Variants in ZNF282 observed in about 807,000 individuals in gnomAD.
ZNF282 encodes HTLV-I U5 repressive element-binding protein 1.
ZNF282 carries 30 observed loss-of-function variants against 61.9 expected under a neutral mutation model. The ratio of observed to expected loss-of-function variants is 0.48; its 90% CI spans 0.36 to 0.66. The LOEUF is 0.66. Ranked by LOEUF, ZNF282 falls within the 30% of genes least tolerant of loss-of-function variation. The pLI, the probability that ZNF282 is intolerant of heterozygous loss-of-function variation, is 0.00. For missense variants in ZNF282, 788 were observed against 941.4 expected, an observed-to-expected ratio of 0.84 and a Z score of 2.13; for synonymous variants, 396 against 405.0, an observed-to-expected ratio of 0.98 and a Z score of 0.27.
At chr7:149,220,917 G>GTTTTT (rs764989538) in intron 7 of ZNF282, among the ~76,000 whole-genome samples, 29 of 47,698 alleles carry the variant, frequency 6.1e-4, no homozygotes, top group African/African-American at 1.1e-3. Context: ...CCCCTGGAGG[G>GTTTTT]TTTTTTTTTT....
At chr7:149,203,014 C>T (rs866481074) in intron 2 of ZNF282, among the ~76,000 whole-genome samples, 3 of 152,134 alleles carry the variant, frequency 2.0e-5, no homozygotes, top group African/African-American at 7.2e-5. Context: ...AGTTGTTTGA[C>T]GTTACTCATT....
At chr7:149,202,199 C>G (rs1049375327) in intron 2 of ZNF282, among the ~76,000 whole-genome samples, 14 of 143,348 alleles carry the variant, frequency 9.8e-5, no homozygotes, top group African/African-American at 3.4e-4. Context: ...GGCTGGAGGG[C>G]AGTGGTACAA....
chr7:149,195,845 G>C (rs1056559381), intron 1 of ZNF282, 91 bp downstream of exon 1: 5 of 1,133,968 alleles, frequency 4.4e-6, no homozygotes, highest in Non-Finnish European at 4.4e-6. Context: ...TCCTCCGGTA[G>C]CCTTGCGGCG....
chr7:149,205,159 G>C (rs182404397), intron 2 of ZNF282, among the ~76,000 whole-genome samples: 45 of 152,126 alleles, frequency 3.0e-4, no homozygotes, highest in Admixed American at 5.9e-4. Context: ...AAATGAAGAG[G>C]CCAGGTGCAG....
intron 7 of ZNF282, among the ~76,000 whole-genome samples, chr7:149,215,776 G>T (rs73725463): frequency 0.038 from 5,815 of 152,250 alleles, 387 homozygotes; most frequent in African/African-American, 0.13. Flanking sequence ...GGTGAGCACC[G>T]GAAGAAAGCC....
chr7:149,214,558 G>A (rs535061725), intron 7 of ZNF282, among the ~76,000 whole-genome samples: 3 of 152,220 alleles, frequency 2.0e-5, no homozygotes, highest in African/African-American at 7.2e-5. Flanking sequence ...GGCTGCACAC[G>A]GTGGCTCACA....
At chr7:149,213,898 C>G in intron 7 of ZNF282, 84 bp downstream of exon 7, 2 of 908,110 alleles carry the variant, frequency 2.2e-6, no homozygotes, top group Non-Finnish European at 3.5e-6. Flanking sequence ...GTCCTCTTCT[C>G]AGCTCACCCC....
intron 7 of ZNF282, among the ~76,000 whole-genome samples, chr7:149,221,751 G>A (rs1250394013): frequency 6.6e-6 from 1 of 152,136 alleles, no homozygotes; most frequent in Non-Finnish European, 1.5e-5. Context: ...GATTGAGACA[G>A]AGAGGGAGGG....
At chr7:149,211,501 C>T (rs376549101) in intron 5 of ZNF282, among the ~76,000 whole-genome samples, 8 of 152,252 alleles carry the variant, frequency 5.3e-5, no homozygotes, top group African/African-American at 1.9e-4. Flanking sequence ...ATCTGCTTGA[C>T]TCAAGTCTAC....
chr7:149,219,885 A>G (rs944510149), intron 7 of ZNF282, among the ~76,000 whole-genome samples: 1 of 152,118 alleles, frequency 6.6e-6, no homozygotes, highest in African/African-American at 2.4e-5. Flanking sequence ...GCAAGGGTGC[A>G]TGCCTGATTG....
chr7:149,213,618 G>T (rs142354798), intron 6 of ZNF282, 83 bp from the exon 7 acceptor site: 1 of 982,562 alleles, frequency 1.0e-6, no homozygotes, highest in Non-Finnish European at 1.6e-6. Context: ...TGCAGCCACC[G>T]CATGGGATGG....
rs1255473454 is a variant in ZNF282 at position 149,224,152 on chromosome 7, C to T, written c.1521C>T (p.Ser507=). 1.3e-6 allele frequency: 2 copies of T among 1,538,984 alleles called. No individual in the cohort carries two copies. Among genetic ancestry groups the T allele is most frequent in the Admixed American group, 1.8e-5 (1 of 54,998 alleles). The change falls in exon 8 of 8, where the codon AGC becomes AGT. Residue 507 remains serine (S), a synonymous_variant. Coordinates refer to ENST00000610704, the MANE Select transcript of ZNF282 (RefSeq NM_003575.4). ...GCTGCCCTGGCGGGCTGCGGCGGAG[C>T]CTCCTCCTGCACGGCGCCCGCAGCA... is the stretch of plus-strand genomic sequence containing the variant. ...GSCCPGGLRR[S]LLLHGARSKP... is the part of the protein sequence containing the mutation.
At chr7:149,207,170 G>C (rs542286014) in intron 3 of ZNF282, among the ~76,000 whole-genome samples, 181 bp from the exon 4 acceptor site, 1 of 151,622 alleles carries the variant, frequency 6.6e-6, no homozygotes, top group African/African-American at 2.4e-5. Context: ...TCTTCCTACA[G>C]TAGAAATTTG....
rs1373709789 is a variant in ZNF282 at position 149,223,905 on chromosome 7, C to A, written c.1274C>A (p.Pro425His). 4 of 1,396,412 alleles carry A rather than the reference C, an allele frequency of 2.9e-6. No individual in the cohort carries two copies. Among genetic ancestry groups the A allele is most frequent in the South Asian group, 1.6e-5 (1 of 64,192 alleles). 86.5% of individuals were successfully genotyped at this position (1,396,412 alleles called of 1,614,324 possible). A position where few individuals can be genotyped will look rare whatever the true frequency, so the allele number is the denominator to read the frequency against. ...CCGCAGCCGCAGCTGCAGTCGCAGC[C>A]CCAGCCCCAGAGCCTGCCCCCCATC... ...QPPQPQLQSQ[P>H]QPQSLPPIAV... The change falls in exon 8 of 8, where the codon CCC becomes CAC. Residue 425 changes from proline (P) to histidine (H), a missense_variant. Coordinates refer to ENST00000610704, the MANE Select transcript of ZNF282 (RefSeq NM_003575.4).
chr7:149,213,278 C>T (rs1168880456), intron 6 of ZNF282, among the ~76,000 whole-genome samples: 1 of 152,192 alleles, frequency 6.6e-6, no homozygotes. Flanking sequence ...GGCCTTCCTG[C>T]TTCACTGTGG....
intron 3 of ZNF282, 119 bp downstream of exon 3, chr7:149,206,941 C>G (rs1167891835): frequency 1.4e-6 from 2 of 1,379,354 alleles, no homozygotes; most frequent in Non-Finnish European, 2.0e-6. Context: ...AATGGAAACT[C>G]AGGAAACCAT....
chr7:149,224,011 C>T lies in ZNF282; in HGVS notation c.1380C>T (p.Gly460=). Residue 460 remains glycine, a synonymous_variant, in exon 8 of 8, where the codon GGC becomes GGT. Coordinates refer to ENST00000610704, the MANE Select transcript of ZNF282 (RefSeq NM_003575.4). The part of the protein sequence containing the change: ...DGFQVLPGER[G]SGEAPPGGDR... ...TCCAGGTGCTGCCCGGGGAGCGTGG[C>T]TCCGGCGAGGCGCCGCCGGGTGGGG... 3 of 1,227,530 alleles carry T rather than the reference C, an allele frequency of 2.4e-6. No individual in the cohort carries two copies. Among genetic ancestry groups the T allele is most frequent in the Non-Finnish European group, 3.0e-6 (3 of 984,174 alleles). The allele number at this position is 1,227,530 out of a possible 1,614,324, so 76.0% of individuals were successfully genotyped here.
intron 4 of ZNF282, among the ~76,000 whole-genome samples, chr7:149,207,888 C>G (rs1280057555): frequency 1.3e-5 from 2 of 152,216 alleles, no homozygotes; most frequent in African/African-American, 4.8e-5. Context: ...TCACCTCATT[C>G]GTCGGCCGAC....
intron 4 of ZNF282, among the ~76,000 whole-genome samples, chr7:149,210,238 G>T (rs1796061851): frequency 6.6e-6 from 1 of 152,200 alleles, no homozygotes; most frequent in African/African-American, 2.4e-5. Context: ...GCCCAGTCCT[G>T]ATTAGGACCC....
Sources: gnomAD v4.1 joint callset for allele counts (sites outside exome capture counted in the v4.1 genomes callset) on GRCh38, gnomAD v4.1.1 for gene constraint, MANE v1.5 for transcripts, NCBI Gene and HGNC (gene_info 2026-07-23, HGNC 2026-07-21) for gene names.